The following AKAP10 variants were observed in gnomAD, a reference collection of about 807,000 sequenced individuals.
AKAP10 encodes A-kinase anchoring protein 10.
AKAP10 carries 24 observed loss-of-function variants against 80.8 expected under a neutral mutation model. The observed-to-expected ratio is 0.30, with a 90% CI of 0.22 to 0.42. The LOEUF (loss-of-function observed/expected upper bound fraction) is 0.42. Ranked by LOEUF, AKAP10 falls within the 10% of genes least tolerant of loss-of-function variation. The pLI is 1.00. For missense variants in AKAP10, 661 were observed against 794.9 expected, an observed-to-expected ratio of 0.83 and a Z score of 2.03; for synonymous variants, 291 against 277.7, an observed-to-expected ratio of 1.05 and a Z score of -0.48.
chr17:19,910,478 CA>C (rs1322349741), intron 12 of AKAP10, among the ~76,000 whole-genome samples: 1 of 152,140 alleles, frequency 6.6e-6, no homozygotes, highest in African/African-American at 2.4e-5. Flanking sequence ...GCTTACATAA[CA>C]GAGCATTTAA....
chr17:19,934,685 G>A (rs999947642), intron 9 of AKAP10, among the ~76,000 whole-genome samples: 1 of 151,928 alleles, frequency 6.6e-6, no homozygotes, highest in Non-Finnish European at 1.5e-5. Flanking sequence ...GCATATTATC[G>A]TCACTTTACA....
At chr17:19,976,328 C>T (rs371305383) in intron 1 of AKAP10, among the ~76,000 whole-genome samples, 2 of 151,724 alleles carry the variant, frequency 1.3e-5, no homozygotes, top group Non-Finnish European at 2.9e-5. Context: ...ACTAAAAATA[C>T]AAAAATTAGC....
At chr17:19,925,998 T>C (rs203479) in intron 10 of AKAP10, among the ~76,000 whole-genome samples, 64,886 of 151,878 alleles carry the variant, frequency 0.43, 14,702 homozygotes, top group African/African-American at 0.58. Flanking sequence ...ACAAATACAC[T>C]CTCACATTTA....
At chr17:19,954,651 AT>A (rs575010093) in intron 4 of AKAP10, among the ~76,000 whole-genome samples, 543 of 140,008 alleles carry the variant, frequency 3.9e-3, no homozygotes, top group Non-Finnish European at 5.1e-3. Context: ...CGCCCGGCTA[AT>A]TTTTTTTTTT....
intron 12 of AKAP10, among the ~76,000 whole-genome samples, chr17:19,913,157 T>TC (rs1366628539): frequency 2.7e-3 from 400 of 148,852 alleles, no homozygotes; most frequent in Non-Finnish European, 5.2e-3. Context: ...CTAATTGTTT[T>TC]TTTTTTTTTT....
Position 19,937,457 on chromosome 17 carries a change from G to A in AKAP10, c.1323-1027C>T, listed in dbSNP as rs371504275. On this transcript the variant is annotated intron_variant, in intron 8 of 14. Coordinates refer to ENST00000225737, the MANE Select transcript of AKAP10 (RefSeq NM_007202.4). ...GTGGAGGTTGCAGTGAGCTGAGATCGTGTCACTGCACTCTAGCCTGGGTGA... is the reference window on the plus strand; with the variant it reads ...GTGGAGGTTGCAGTGAGCTGAGATCATGTCACTGCACTCTAGCCTGGGTGA... 3.7e-4 allele frequency among the ~76,000 whole-genome samples: 56 copies of A among 152,228 alleles called. No individual in the cohort carries two copies. The South Asian group carries it at 0.011, about 29-fold the overall frequency.
intron 3 of AKAP10, among the ~76,000 whole-genome samples, chr17:19,961,741 T>C (rs989190647): frequency 6.6e-6 from 1 of 152,202 alleles, no homozygotes; most frequent in African/African-American, 2.4e-5. Context: ...TATAACGGAT[T>C]TTACCATGCA....
At chr17:19,977,560 G>C (rs2043587025) in intron 1 of AKAP10, 32 bp downstream of exon 1, 1 of 1,230,648 alleles carries the variant, frequency 8.1e-7, no homozygotes, top group African/African-American at 1.6e-5. Context: ...CTGAGGCCCG[G>C]CCTGACTCCC....
intron 1 of AKAP10, among the ~76,000 whole-genome samples, chr17:19,976,448 T>C (rs887938464): frequency 6.6e-6 from 1 of 151,386 alleles, no homozygotes; most frequent in East Asian, 2.0e-4. Flanking sequence ...GATCGCGCCA[T>C]TGCACTCGAG....
At chr17:19,934,328 A>C (rs1334624482) in intron 9 of AKAP10, among the ~76,000 whole-genome samples, 1 of 152,078 alleles carries the variant, frequency 6.6e-6, no homozygotes, top group Non-Finnish European at 1.5e-5. Flanking sequence ...GATCATTTCT[A>C]AGCTAACGTT....
At chr17:19,953,114 GA>G (rs1246585909) in intron 4 of AKAP10, among the ~76,000 whole-genome samples, 1 of 151,838 alleles carries the variant, frequency 6.6e-6, no homozygotes, top group African/African-American at 2.4e-5. Context: ...AAAATAACAG[GA>G]AAAAAGTCTC....
intron 8 of AKAP10, among the ~76,000 whole-genome samples, chr17:19,938,333 C>G (rs1483885503): frequency 2.0e-5 from 3 of 150,654 alleles, no homozygotes; most frequent in South Asian, 2.1e-4. Context: ...ACCTCCCGGG[C>G]TCGAGCAATT....
intron 1 of AKAP10, among the ~76,000 whole-genome samples, chr17:19,973,304 C>T (rs2043523322): frequency 6.6e-6 from 1 of 152,200 alleles, no homozygotes; most frequent in Non-Finnish European, 1.5e-5. Flanking sequence ...TATCGTAGCA[C>T]AGCCATGCCC....
At chr17:19,962,695 A>G in intron 3 of AKAP10, 145 bp downstream of exon 3, 1 of 781,228 alleles carries the variant, frequency 1.3e-6, no homozygotes, top group Non-Finnish European at 2.0e-6. Flanking sequence ...CAACACAGCT[A>G]CCCATTATAC....
At chr17:19,965,523 A>G (rs2043405535) in intron 2 of AKAP10, among the ~76,000 whole-genome samples, 1 of 152,010 alleles carries the variant, frequency 6.6e-6, no homozygotes, top group Non-Finnish European at 1.5e-5. Context: ...CTTCATCTCA[A>G]TCTTTCTGTA....
chr17:19,945,079 T>C (rs1051072666), intron 5 of AKAP10, among the ~76,000 whole-genome samples: 3 of 152,290 alleles, frequency 2.0e-5, no homozygotes, highest in East Asian at 3.9e-4. Flanking sequence ...GCCACACAGG[T>C]AATTAACATC....
At chr17:19,941,153 A>AT in intron 6 of AKAP10, 143 bp from the exon 7 acceptor site, 1 of 853,980 alleles carries the variant, frequency 1.2e-6, no homozygotes, top group Non-Finnish European at 1.7e-6. Context: ...GTCATTCCTG[A>AT]TTCCTTTACC....
chr17:19,912,136 T>C (rs2042697733), intron 12 of AKAP10, among the ~76,000 whole-genome samples: 1 of 152,102 alleles, frequency 6.6e-6, no homozygotes, highest in Non-Finnish European at 1.5e-5. Flanking sequence ...CAATCTTGGC[T>C]GGGCACGGTG....
chr17:19,961,990 C>T (rs956366182), intron 3 of AKAP10, among the ~76,000 whole-genome samples: 1 of 152,016 alleles, frequency 6.6e-6, no homozygotes. Flanking sequence ...GTGACACATG[C>T]CTGCAGTCCT....
Sources: gnomAD v4.1 joint callset for allele counts (sites outside exome capture counted in the v4.1 genomes callset) on GRCh38, gnomAD v4.1.1 for gene constraint, MANE v1.5 for transcripts, NCBI Gene and HGNC (gene_info 2026-07-23, HGNC 2026-07-21) for gene names.